The following SOX5 variants were observed in gnomAD, a reference collection of about 807,000 sequenced individuals.
The protein encoded by SOX5 is SRY-box transcription factor 5, also known as transcription factor SOX-5.
In SOX5, 9 loss-of-function variants were observed where a neutral mutation model predicts 92.0. The ratio of observed to expected loss-of-function variants is 0.10; its 90% CI spans 0.06 to 0.17. The LOEUF (loss-of-function observed/expected upper bound fraction) is 0.17. SOX5 is among the 10% of genes least tolerant of loss of function. The pLI, the probability that SOX5 is intolerant of heterozygous loss-of-function variation, is 1.00. For missense variants in SOX5, 642 were observed against 944.5 expected (o/e 0.68, Z 4.20); for synonymous variants, 344 against 336.3 (o/e 1.02, Z -0.25).
intron 6 of SOX5, among the ~76,000 whole-genome samples, chr12:23,725,950 G>A (rs544162693): frequency 3.9e-5 from 6 of 152,260 alleles, no homozygotes; most frequent in Non-Finnish European, 8.8e-5. Context: ...TCTCTTTGTA[G>A]AAGAAGCTAT....
At chr12:23,584,489 T>C in intron 9 of SOX5, 1 of 1,202,116 alleles carries the variant, frequency 8.3e-7, no homozygotes, top group East Asian at 2.3e-5. Flanking sequence ...TATGCATAAG[T>C]CATTTATTAC....
intron 9 of SOX5, among the ~76,000 whole-genome samples, chr12:23,596,296 G>A (rs1341724789): frequency 6.6e-6 from 1 of 151,946 alleles, no homozygotes; most frequent in African/African-American, 2.4e-5. Context: ...TTTCTCTAGT[G>A]GAAAATCTAG....
chr12:24,070,752 G>T (rs1371666893), intron 4 of SOX5, among the ~76,000 whole-genome samples: 1 of 152,092 alleles, frequency 6.6e-6, no homozygotes, highest in Non-Finnish European at 1.5e-5. Flanking sequence ...TAAAATAAAA[G>T]AATCTTAAGT....
chr12:24,459,725 C>T (rs1417412284), intron 1 of SOX5, among the ~76,000 whole-genome samples: 1 of 152,054 alleles, frequency 6.6e-6, no homozygotes, highest in Non-Finnish European at 1.5e-5. Context: ...ATGACACTTC[C>T]AATCCATATG....
chr12:23,632,132 T>G (rs991849030), intron 8 of SOX5: 8 of 152,170 alleles, frequency 5.3e-5, no homozygotes, highest in Non-Finnish European at 1.0e-4. Context: ...TTAATACATA[T>G]GCAAATGACT....
intron 1 of SOX5, among the ~76,000 whole-genome samples, chr12:24,489,532 A>T (rs1479541382): frequency 2.0e-5 from 3 of 152,184 alleles, no homozygotes; most frequent in Non-Finnish European, 4.4e-5. Flanking sequence ...TGAAGAAAGA[A>T]GAATAAAGAG....
chr12:24,444,303 T>C lies in SOX5; in HGVS notation c.-250-75664A>G, dbSNP rs913771618. Reference sequence around the variant, plus strand: ...GTGTGTGTGTGTGTGTGTGTGTGTGTGCACCCATGCACGTGTGTGATTATC... The same window carrying C: ...GTGTGTGTGTGTGTGTGTGTGTGTGCGCACCCATGCACGTGTGTGATTATC... On this transcript the variant is annotated intron_variant, in intron 1 of 4. Coordinates refer to the SOX5 transcript ENST00000446891. Among the ~76,000 whole-genome samples, 15 of 147,112 alleles carry C rather than the reference T, an allele frequency of 1.0e-4. No homozygotes were observed. The East Asian group carries it at 1.8e-3, about 17-fold the overall frequency.
At chr12:23,860,690 G>A (rs751856829) in intron 2 of SOX5, among the ~76,000 whole-genome samples, 3 of 152,020 alleles carry the variant, frequency 2.0e-5, no homozygotes, top group Non-Finnish European at 4.4e-5. Flanking sequence ...CCTACAAAAG[G>A]CAGGTGAAAA....
chr12:24,402,118 T>G (rs115933551), intron 1 of SOX5, among the ~76,000 whole-genome samples: 95 of 152,324 alleles, frequency 6.2e-4, no homozygotes, highest in African/African-American at 2.1e-3. Context: ...TTTTACCTAG[T>G]AATTTAGCTT....
intron 4 of SOX5, among the ~76,000 whole-genome samples, chr12:23,996,609 T>C (rs1951054593): frequency 1.3e-5 from 2 of 152,174 alleles, no homozygotes; most frequent in African/African-American, 4.8e-5. Flanking sequence ...ATATGCACAA[T>C]GGAATATTAC....
At chr12:23,913,217 T>C (rs2097370791) in intron 1 of SOX5, among the ~76,000 whole-genome samples, 1 of 152,194 alleles carries the variant, frequency 6.6e-6, no homozygotes, top group South Asian at 2.1e-4. Context: ...AGAACTTAAA[T>C]ATATGCTTTA....
chr12:24,545,695 C>T (rs967532427), intron 1 of SOX5, among the ~76,000 whole-genome samples: 34 of 152,128 alleles, frequency 2.2e-4, no homozygotes, highest in Admixed American at 1.6e-3. Context: ...TGCTGTGGTG[C>T]GCTGCCCAGC....
intron 2 of SOX5, among the ~76,000 whole-genome samples, chr12:23,855,470 G>T (rs2096676530): frequency 6.6e-6 from 1 of 151,922 alleles, no homozygotes; most frequent in Non-Finnish European, 1.5e-5. Context: ...TATTAAAAGT[G>T]AAAGTTTGAA....
At chr12:24,036,375 G>A (rs570319096) in intron 4 of SOX5, among the ~76,000 whole-genome samples, 1 of 152,000 alleles carries the variant, frequency 6.6e-6, no homozygotes, top group Non-Finnish European at 1.5e-5. Flanking sequence ...ACAGCTTTTG[G>A]CATTCAAATG....
At chr12:23,821,018 A>T (rs919821420) in intron 3 of SOX5, among the ~76,000 whole-genome samples, 2 of 152,072 alleles carry the variant, frequency 1.3e-5, no homozygotes, top group African/African-American at 4.8e-5. Flanking sequence ...TTTGGGCAGT[A>T]TGGCCATTTT....
At chr12:23,662,940 A>G (rs1440940408) in intron 7 of SOX5, among the ~76,000 whole-genome samples, 1 of 152,192 alleles carries the variant, frequency 6.6e-6, no homozygotes, top group African/African-American at 2.4e-5. Context: ...ACTATGTAAT[A>G]AAGTGAAATA....
chr12:24,030,147 G>A (rs888073692), intron 4 of SOX5, among the ~76,000 whole-genome samples: 2 of 151,808 alleles, frequency 1.3e-5, no homozygotes, highest in South Asian at 2.1e-4. Flanking sequence ...GCTCTTTGTG[G>A]CTATATTATG....
chr12:23,970,500 T>A (rs997097928), intron 4 of SOX5, among the ~76,000 whole-genome samples: 2 of 152,092 alleles, frequency 1.3e-5, no homozygotes, highest in Non-Finnish European at 2.9e-5. Context: ...TCTGTCTTTA[T>A]GAATTTGCCT....
At chr12:24,286,049 CTT>C (rs1201370392) in intron 2 of SOX5, among the ~76,000 whole-genome samples, 1 of 152,020 alleles carries the variant, frequency 6.6e-6, no homozygotes, top group African/African-American at 2.4e-5. Context: ...CAAGCTGAAA[CTT>C]TAACCTGCTT....
Sources: gnomAD v4.1 joint callset for allele counts (sites outside exome capture counted in the v4.1 genomes callset) on GRCh38, gnomAD v4.1.1 for gene constraint, MANE v1.5 for transcripts, NCBI Gene and HGNC (gene_info 2026-07-23, HGNC 2026-07-21) for gene names.